The following OR7D2 variants were observed in gnomAD, a reference collection of about 807,000 sequenced individuals.
OR7D2 encodes olfactory receptor 7D2.
For missense variants in OR7D2, 370 were observed against 384.1 expected (o/e 0.96, Z 0.31); for synonymous variants, 158 against 158.7 (o/e 1.00, Z 0.03).
In OR7D2 at chr19:9,185,998, T is replaced by C. The variant is rs201696002; in HGVS notation, c.217T>C (p.Phe73Leu). Reference sequence around the variant, plus strand: ...CAACCTGTCCTGGGTTGACATCTGTTTCAGCACTTGCATCGTCCCCAAGAT... The same window carrying C: ...CAACCTGTCCTGGGTTGACATCTGTCTCAGCACTTGCATCGTCCCCAAGAT... ...LSNLSWVDIC[F>L]STCIVPKMLV... is the part of the protein sequence containing the mutation. The change falls in exon 3 of 3, where the codon TTC becomes CTC. Residue 73 changes from phenylalanine (F) to leucine (L), a missense_variant. By Grantham distance (22) the Phe-to-Leu change is conservative (BLOSUM62 0). Coordinates refer to ENST00000641288, the MANE Select transcript of OR7D2 (RefSeq NM_175883.4). 146 of 1,614,006 alleles carry C rather than the reference T, an allele frequency of 9.0e-5. 1 individual carries two copies. Among genetic ancestry groups the C allele is most frequent in the Non-Finnish European group, 1.9e-5 (23 of 1,180,042 alleles).
chr19:9,180,487 C>T lies in OR7D2; in HGVS notation c.-104-211C>T, dbSNP rs554667349. ...TTCTTTTTCTGCCTTGCTCTATTCA[C>T]GCATATACTTTGTTATCTGACTTGC... On this transcript the variant is annotated intron_variant, in intron 1 of 2. Transcript: ENST00000641288. 1.1e-4 allele frequency among the ~76,000 whole-genome samples: 16 copies of T among 152,224 alleles called. No homozygotes were observed. The South Asian group carries it at 1.5e-3, about 14-fold the overall frequency.
At position 9,186,396 on chromosome 19, in the gene OR7D2, G is replaced by C; in HGVS notation, c.615G>C (p.Val205=). 1 of 1,614,128 alleles carries C rather than the reference G, an allele frequency of 6.2e-7. No individual in the cohort carries two copies. Among genetic ancestry groups the C allele is most frequent in the Non-Finnish European group, 8.5e-7 (1 of 1,180,036 alleles). Residue 205 remains valine, a synonymous_variant, in exon 3 of 3, where the codon GTG becomes GTC. Transcript: ENST00000641288. The part of the protein sequence containing the change: ...NSTLIYFMTG[V]LGVFPLLGII... Reference sequence around the variant, plus strand: ...CGTTGATATACTTTATGACGGGTGTGCTGGGCGTTTTTCCCCTCCTTGGGA... The same window carrying C: ...CGTTGATATACTTTATGACGGGTGTCCTGGGCGTTTTTCCCCTCCTTGGGA...
Position 9,186,720 on chromosome 19 carries a change from A to G in OR7D2, c.939A>G (p.Ter313TrpextTer8), listed in dbSNP as rs1326877831. The G allele has an allele frequency of 6.3e-6, 10 of 1,585,466 alleles. No individual in the cohort carries two copies. Among genetic ancestry groups the G allele is most frequent in the Non-Finnish European group, 8.6e-6 (10 of 1,168,970 alleles). The part of the protein sequence containing the change: ...SLLSRAASCL[*>W] ...TCAGCAGGGCAGCCTCTTGTTTGTG[A>G]TGGATCCCTTGGCCCCAGGACTAAG... The change falls in exon 3 of 3, where the codon TGA becomes TGG. Residue 313 changes from the stop codon to tryptophan (W), a stop_lost. Transcript: ENST00000641288.
intron 2 of OR7D2, among the ~76,000 whole-genome samples, chr19:9,184,253 A>T (rs2051013870): frequency 6.6e-6 from 1 of 151,962 alleles, no homozygotes; most frequent in Admixed American, 6.6e-5. Flanking sequence ...AAAAATACAA[A>T]AAATACAAAA....
In OR7D2 at chr19:9,186,892, C is replaced by A; in HGVS notation, c.*172C>A. ...GGGTGAAGTCTGAGCTTTTGGCGTA[C>A]CAATTACCTGAATAGTGAACATAAG... On this transcript the variant is annotated 3_prime_UTR_variant, in exon 3 of 3. Transcript: ENST00000641288. 1 of 544,778 alleles carries A rather than the reference C, an allele frequency of 1.8e-6. No individual in the cohort carries two copies. Among genetic ancestry groups the A allele is most frequent in the South Asian group, 3.4e-5 (1 of 29,190 alleles). The allele number at this position is 544,778 out of a possible 1,614,324, so 33.7% of individuals were successfully genotyped here.
chr19:9,186,728 C>G lies in OR7D2; in HGVS notation c.*8C>G, dbSNP rs2145984458. On this transcript the variant is annotated 3_prime_UTR_variant, in exon 3 of 3. Coordinates refer to ENST00000641288, the MANE Select transcript of OR7D2 (RefSeq NM_175883.4). The stretch of plus-strand genomic sequence containing the variant: ...GCAGCCTCTTGTTTGTGATGGATCC[C>G]TTGGCCCCAGGACTAAGAAGTTTTG... 1 of 1,571,864 alleles carries G rather than the reference C, an allele frequency of 6.4e-7. No individual in the cohort carries two copies. The highest frequency in any genetic ancestry group is 2.2e-5 in the East Asian group (1 of 44,522).
At chr19:9,180,899 T>TG (rs2050984997) in intron 2 of OR7D2, 111 bp downstream of exon 2, 1 of 151,818 alleles carries the variant, frequency 6.6e-6, no homozygotes, top group African/African-American at 2.4e-5. Context: ...CTGAGGCGGG[T>TG]GGATCACCTG....
In OR7D2 at chr19:9,186,008, G is replaced by C. The variant is rs746867213; in HGVS notation, c.227G>C (p.Cys76Ser). 6.2e-7 allele frequency: 1 copy of C among 1,613,916 alleles called. No individual in the cohort carries two copies. The highest frequency in any genetic ancestry group is 1.3e-5 in the African/African-American group (1 of 74,872). The part of the protein sequence containing the change: ...LSWVDICFST[C>S]IVPKMLVNIQ... ...TGGGTTGACATCTGTTTCAGCACTT[G>C]CATCGTCCCCAAGATGCTGGTGAAC... The change falls in exon 3 of 3, where the codon TGC becomes TCC. Residue 76 changes from cysteine (C) to serine (S), a missense_variant. Physicochemically the swap from Cys to Ser is moderately radical, Grantham distance 112. Coordinates refer to ENST00000641288, the MANE Select transcript of OR7D2 (RefSeq NM_175883.4).
rs753509176 is a variant in OR7D2 at position 9,186,440 on chromosome 19, G to A, written c.659G>A (p.Arg220Gln). ...CTTGGGATCATTTTCTCTTATTCAC[G>A]AATTGCTTCATCCATAAGGAAGATG... ...PLLGIIFSYS[R>Q]IASSIRKMSS... Residue 220 changes from arginine (R) to glutamine (Q), a missense_variant, in exon 3 of 3, where the codon CGA becomes CAA. Physicochemically the swap from Arg to Gln is conservative, Grantham distance 43 (BLOSUM62 1). Transcript: ENST00000641288. 12 of 1,613,868 alleles carry A rather than the reference G, an allele frequency of 7.4e-6. No homozygotes were observed. In the East Asian group the frequency reaches 8.9e-5, roughly 12 times the overall value.
chr19:9,183,058 A>C, intron 2 of OR7D2: 1 of 330,128 alleles, frequency 3.0e-6, no homozygotes, highest in Non-Finnish European at 6.3e-6. Flanking sequence ...TTTTGTTCTT[A>C]CGAAATTCTA....
Position 9,180,132 on chromosome 19 carries a change from T to C in OR7D2, c.-104-566T>C, listed in dbSNP as rs140503023. Among the ~76,000 whole-genome samples the C allele has an allele frequency of 3.9e-3, 594 of 152,316 alleles. 6 individuals are homozygous for C. Among genetic ancestry groups the C allele is most frequent in the African/African-American group, 0.014 (565 of 41,572 alleles). On this transcript the variant is annotated intron_variant, in intron 1 of 2. Coordinates refer to ENST00000641288, the MANE Select transcript of OR7D2 (RefSeq NM_175883.4). ...CTTTTTTTCCTCTTATTTTTTCTCA[T>C]GGCTGTTTGCAGATACATAAGAAAG...
At position 9,187,782 on chromosome 19, in the gene OR7D2, A is replaced by T. The variant is rs1307680359; in HGVS notation, c.*1062A>T. On this transcript the variant is annotated 3_prime_UTR_variant, in exon 3 of 3. Transcript: ENST00000641288. Reference sequence around the variant, plus strand: ...TGTATGTTGGTTGAACATACAAACAAGTCCAGGTTTTTCATTCCTGAGTTA... The same window carrying T: ...TGTATGTTGGTTGAACATACAAACATGTCCAGGTTTTTCATTCCTGAGTTA... The T allele has an allele frequency of 6.0e-6, 1 of 166,696 alleles. No homozygotes were observed. The highest frequency in any genetic ancestry group is 1.9e-4 in the East Asian group (1 of 5,204). The allele number at this position is 166,696 out of a possible 1,614,324, so 10.3% of individuals were successfully genotyped here.
rs1487726450 is a variant in OR7D2, at chr19:9,185,776, A to G, written c.-6A>G. The G allele has an allele frequency of 2.6e-6, 4 of 1,560,898 alleles. No individual in the cohort carries two copies. In the African/African-American group the frequency reaches 5.4e-5, roughly 21 times the overall value. On this transcript the variant is annotated 5_prime_UTR_variant, in exon 3 of 3. Coordinates refer to ENST00000641288, the MANE Select transcript of OR7D2 (RefSeq NM_175883.4). ...TGACCTCTTCTTTTGTAGATACATC[A>G]GCTACATGGAAGCAGGAAACCAAAC...
At chr19:9,180,632 G>A (rs16978679) in intron 1 of OR7D2, 66 bp from the exon 2 acceptor site, 43,943 of 151,132 alleles carry the variant, frequency 0.29, 6,610 homozygotes, top group Non-Finnish European at 0.32. Context: ...TTGTCAACAT[G>A]AGATTAATTT....
At chr19:9,180,354 C>A (rs1599209225) in intron 1 of OR7D2, among the ~76,000 whole-genome samples, 3 of 152,156 alleles carry the variant, frequency 2.0e-5, no homozygotes, top group Admixed American at 2.0e-4. Context: ...TCAAGAATTT[C>A]TCCTGCCTTA....
chr19:9,182,666 C>T (rs1386305755), intron 2 of OR7D2, among the ~76,000 whole-genome samples: 2 of 152,020 alleles, frequency 1.3e-5, no homozygotes, highest in African/African-American at 4.8e-5. Flanking sequence ...ACTATAGGCG[C>T]CCGCCACCAC....
At position 9,188,343 on chromosome 19, in the gene OR7D2, C is replaced by G; in HGVS notation, c.*1623C>G. ...CTGACCTCAGGTGATACGCCCACCTCGGCCTCCCAAAGTGCTGGGATTACA... is the reference window on the plus strand; with the variant it reads ...CTGACCTCAGGTGATACGCCCACCTGGGCCTCCCAAAGTGCTGGGATTACA... On this transcript the variant is annotated 3_prime_UTR_variant, in exon 3 of 3. Transcript: ENST00000641288. 1 of 158,626 alleles carries G rather than the reference C, an allele frequency of 6.3e-6. No homozygotes were observed. The highest frequency in any genetic ancestry group is 1.9e-4 in the East Asian group (1 of 5,186). The allele number at this position is 158,626 out of a possible 1,614,324, so 9.8% of individuals were successfully genotyped here.
Position 9,185,907 on chromosome 19 carries a change from C to T in OR7D2, c.126C>T (p.Asn42=). ...LSMYLVTVLG[N]LLIILAISSD... The stretch of plus-strand genomic sequence containing the variant: ...TGTACCTGGTGACGGTGCTGGGAAA[C>T]CTGCTCATCATCCTGGCCATCAGCT... The change falls in exon 3 of 3, where the codon AAC becomes AAT. Residue 42 remains asparagine, a synonymous_variant. Coordinates refer to ENST00000641288, the MANE Select transcript of OR7D2 (RefSeq NM_175883.4). 1 of 1,614,038 alleles carries T rather than the reference C, an allele frequency of 6.2e-7. No homozygotes were observed.
intron 2 of OR7D2, chr19:9,182,302 T>C (rs1205044206): frequency 1.1e-5 from 2 of 174,206 alleles, no homozygotes; most frequent in African/African-American, 4.8e-5. Context: ...ATGAAAAAAA[T>C]ACTAACTGAA....
Sources: allele counts gnomAD v4.1 joint callset (sites outside exome capture counted in the v4.1 genomes callset), GRCh38; gene constraint gnomAD v4.1.1; transcripts MANE v1.5; gene names NCBI Gene and HGNC (gene_info 2026-07-23, HGNC 2026-07-21).